The following ABCA8 variants were observed in gnomAD, a reference collection of about 807,000 sequenced individuals.
ABCA8 encodes the protein ATP binding cassette subfamily A member 8.
A neutral mutation model predicts 192.3 loss-of-function variants in ABCA8; 177 were observed. The observed-to-expected ratio is 0.92, with a 90% CI of 0.81 to 1.04. The LOEUF (loss-of-function observed/expected upper bound fraction) is 1.04, where lower values mean the gene tolerates loss of function less well. Ranked by LOEUF, ABCA8 falls within the 50% of genes least tolerant of loss-of-function variation. The pLI is 0.00. For synonymous variants in ABCA8, 642 were observed against 690.2 expected, an observed-to-expected ratio of 0.93 and a Z score of 1.09; for missense variants, 1,915 against 1,904.8, an observed-to-expected ratio of 1.01 and a Z score of -0.10.
intron 17 of ABCA8, among the ~76,000 whole-genome samples, chr17:68,910,221 A>G (rs577586985): frequency 6.6e-6 from 1 of 152,294 alleles, no homozygotes; most frequent in Non-Finnish European, 1.5e-5. Flanking sequence ...GGAAAGAAGC[A>G]CTGGAGAGGA....
At chr17:68,909,558 C>T (rs1169997952) in intron 17 of ABCA8, among the ~76,000 whole-genome samples, 1 of 152,022 alleles carries the variant, frequency 6.6e-6, no homozygotes, top group Non-Finnish European at 1.5e-5. Flanking sequence ...ATGCAGTGTG[C>T]CAGGCAGTCT....
rs2066192736 is a variant in ABCA8 at position 68,875,918 on chromosome 17, AT to A, written c.4371-186del. 2.6e-5 allele frequency among the ~76,000 whole-genome samples: 4 copies of A among 152,204 alleles called. No homozygotes were observed. In the South Asian group the frequency reaches 8.3e-4, roughly 32 times the overall value. ...GCTAGGTGAGAGCTGTTAAACTGGA[AT>A]CATGCATTGGAAGAGGGGCGTTTAC... is the stretch of plus-strand genomic sequence containing the variant. On this transcript the variant is annotated intron_variant, in intron 35 of 39. Transcript: ENST00000586539.
intron 28 of ABCA8, 77 bp from the exon 29 acceptor site, chr17:68,883,959 C>T (rs893912051): frequency 3.0e-5 from 27 of 903,164 alleles, no homozygotes; most frequent in African/African-American, 1.9e-4. Context: ...TAATAATAAC[C>T]GAACTTCTAA....
intron 24 of ABCA8, among the ~76,000 whole-genome samples, chr17:68,890,710 G>A (rs2143379463): frequency 6.6e-6 from 1 of 152,188 alleles, no homozygotes; most frequent in South Asian, 2.1e-4. Context: ...GTAGAGACAG[G>A]TTTTTGCCAT....
Position 68,887,367 on chromosome 17 carries a change from T to A in ABCA8, c.3284A>T (p.Asp1095Val). Residue 1095 changes from aspartate to valine, a missense_variant, in exon 25 of 40, where the codon GAC becomes GTC. Physicochemically the swap from Asp to Val is radical, Grantham distance 152 (BLOSUM62 -3). Coordinates refer to ENST00000586539, the MANE Select transcript of ABCA8 (RefSeq NM_001288985.2). ...YLMSYISNFE[D>V]MLLTIIHIIQ... The stretch of plus-strand genomic sequence containing the variant: ...AATATGAATTATTGTAAGTAGCATG[T>A]CTTCGAAGTTTGAAATGTAGCTCAT... 1 of 1,610,644 alleles carries A rather than the reference T, an allele frequency of 6.2e-7. No homozygotes were observed. The highest frequency in any genetic ancestry group is 8.5e-7 in the Non-Finnish European group (1 of 1,177,914).
In ABCA8 at chr17:68,904,139, G is replaced by A. The variant is rs142371349; in HGVS notation, c.2399-640C>T. ...CAAAAGTCCATTAAAAAAATTAGCC[G>A]GGCGTGGTGGTGGGCACCTGTAGTC... On this transcript the variant is annotated intron_variant, in intron 19 of 39. Coordinates refer to ENST00000586539, the MANE Select transcript of ABCA8 (RefSeq NM_001288985.2). Among the ~76,000 whole-genome samples the A allele has an allele frequency of 9.5e-3, 1,440 of 151,826 alleles. 17 individuals are homozygous for A. The highest frequency in any genetic ancestry group is 0.012 in the Non-Finnish European group (786 of 67,918).
intron 7 of ABCA8, 44 bp from the exon 8 acceptor site, chr17:68,929,746 T>G: frequency 6.5e-7 from 1 of 1,536,944 alleles, no homozygotes; most frequent in Non-Finnish European, 8.8e-7. Flanking sequence ...TATGTTCACT[T>G]GAAAAGGAAG....
At position 68,918,133 on chromosome 17, in the gene ABCA8, T is replaced by A. The variant is rs1186115619; in HGVS notation, c.1961A>T (p.Gln654Leu). ...TAGLDPFSRH[Q>L]VWNLLKERKT... ...GCGTTCTTTCAGAAGGTTCCATACT[T>A]GGTGTCTTGAAAAGGGATCCAATCC... The change falls in exon 16 of 40, where the codon CAA becomes CTA. Residue 654 changes from glutamine (Q) to leucine (L), a missense_variant. Coordinates refer to ENST00000586539, the MANE Select transcript of ABCA8 (RefSeq NM_001288985.2). 1 of 1,614,202 alleles carries A rather than the reference T, an allele frequency of 6.2e-7. No individual in the cohort carries two copies. The highest frequency in any genetic ancestry group is 8.5e-7 in the Non-Finnish European group (1 of 1,180,032).
chr17:68,946,856 G>A (rs11650211), intron 2 of ABCA8, among the ~76,000 whole-genome samples: 57,094 of 151,936 alleles, frequency 0.38, 12,812 homozygotes, highest in Non-Finnish European at 0.51. Context: ...CAGGGGAATC[G>A]CTTGAACCCA....
At chr17:68,938,758 A>C (rs1268178228) in intron 4 of ABCA8, among the ~76,000 whole-genome samples, 1 of 152,220 alleles carries the variant, frequency 6.6e-6, no homozygotes, top group Non-Finnish European at 1.5e-5. Flanking sequence ...TCTGATTTGA[A>C]GCTGCTGCCT....
chr17:68,900,667 A>C lies in ABCA8; in HGVS notation c.2764+2046T>G, dbSNP rs1049605101. Among the ~76,000 whole-genome samples, 15 of 152,226 alleles carry C rather than the reference A, an allele frequency of 9.9e-5. No individual in the cohort carries two copies. In the East Asian group the frequency reaches 2.7e-3, roughly 27 times the overall value. ...ACAGACCAATATCCCTTATGAATAG[A>C]GATGGAAAACATTATCAACAAAACC... is the stretch of plus-strand genomic sequence containing the variant. On this transcript the variant is annotated intron_variant, in intron 21 of 39. Transcript: ENST00000586539.
chr17:68,919,132 C>T (rs1397869128), intron 14 of ABCA8, among the ~76,000 whole-genome samples, 169 bp downstream of exon 14: 1 of 152,104 alleles, frequency 6.6e-6, no homozygotes, highest in East Asian at 1.9e-4. Context: ...TAAGGATATG[C>T]TTGGCGCATT....
At position 68,946,128 on chromosome 17, in the gene ABCA8, C is replaced by T. The variant is rs1047302306; in HGVS notation, c.-6+3184G>A. 7.2e-5 allele frequency among the ~76,000 whole-genome samples: 11 copies of T among 151,810 alleles called. 1 individual carries two copies. The highest frequency in any genetic ancestry group is 2.6e-4 in the Admixed American group (4 of 15,236). Reference sequence around the variant, plus strand: ...TGTGGCCCAGGCTAGAGTGCAGGGGCGCCATCTTGGCTCACTGCAATCTCC... The same window carrying T: ...TGTGGCCCAGGCTAGAGTGCAGGGGTGCCATCTTGGCTCACTGCAATCTCC... On this transcript the variant is annotated intron_variant, in intron 2 of 39. Coordinates refer to ENST00000586539, the MANE Select transcript of ABCA8 (RefSeq NM_001288985.2).
At chr17:68,943,705 A>C (rs1321210437) in intron 2 of ABCA8, among the ~76,000 whole-genome samples, 2 of 152,230 alleles carry the variant, frequency 1.3e-5, no homozygotes, top group African/African-American at 4.8e-5. Context: ...AGAGTATTAG[A>C]GAAAGACATG....
chr17:68,941,627 G>A (rs2068232473), intron 3 of ABCA8, among the ~76,000 whole-genome samples: 1 of 152,132 alleles, frequency 6.6e-6, no homozygotes, highest in Non-Finnish European at 1.5e-5. Context: ...TGGAATGTCA[G>A]TATCTTAACC....
chr17:68,940,660 A>G (rs540915392), intron 4 of ABCA8, 98 bp downstream of exon 4: 2 of 1,146,274 alleles, frequency 1.7e-6, no homozygotes, highest in Non-Finnish European at 1.3e-6. Context: ...CAGAAAGTTT[A>G]ATTATCAAAC....
intron 35 of ABCA8, among the ~76,000 whole-genome samples, chr17:68,875,987 C>G (rs57285874): frequency 6.6e-6 from 1 of 152,260 alleles, no homozygotes; most frequent in South Asian, 2.1e-4. Flanking sequence ...AAGAGAAGTG[C>G]TAAGCAAGAG....
At chr17:68,897,744 T>A (rs998486239) in intron 21 of ABCA8, among the ~76,000 whole-genome samples, 2 of 152,096 alleles carry the variant, frequency 1.3e-5, no homozygotes, top group Non-Finnish European at 2.9e-5. Flanking sequence ...AGCTCAACAG[T>A]AGATTTGAAT....
chr17:68,933,277 T>A lies in ABCA8; in HGVS notation c.467-6A>T, dbSNP rs1290216821. 1.3e-6 allele frequency: 2 copies of A among 1,564,328 alleles called. No individual in the cohort carries two copies. Among genetic ancestry groups the A allele is most frequent in the Non-Finnish European group, 1.8e-6 (2 of 1,138,856 alleles). Reference sequence around the variant, plus strand: ...ATTTGTTTCATAACAATGAGCTTTGTGAAAAAACAAATCATAACTATCATT... The same window carrying A: ...ATTTGTTTCATAACAATGAGCTTTGAGAAAAAACAAATCATAACTATCATT... On this transcript the variant is annotated splice_region_variant and splice_polypyrimidine_tract_variant and intron_variant, in intron 5 of 39. Coordinates refer to ENST00000586539, the MANE Select transcript of ABCA8 (RefSeq NM_001288985.2).
Sources: gnomAD v4.1 joint callset for allele counts (sites outside exome capture counted in the v4.1 genomes callset) on GRCh38, gnomAD v4.1.1 for gene constraint, MANE v1.5 for transcripts, NCBI Gene and HGNC (gene_info 2026-07-23, HGNC 2026-07-21) for gene names.